SLC39A11: variants seen among roughly 807,000 people sequenced by gnomAD.
SLC39A11 encodes zinc transporter ZIP11.
SLC39A11 carries 33 observed loss-of-function variants against 36.1 expected under a neutral mutation model. The observed-to-expected ratio is 0.91, with a 90% CI of 0.69 to 1.22. The LOEUF (loss-of-function observed/expected upper bound fraction) is 1.22. Ranked by LOEUF, SLC39A11 falls within the 50% of genes most tolerant of loss-of-function variation. The pLI, the probability that SLC39A11 is intolerant of heterozygous loss-of-function variation, is 0.00. For missense variants in SLC39A11, 432 were observed against 430.3 expected, an observed-to-expected ratio of 1.00 and a Z score of -0.03; for synonymous variants, 166 against 170.3, an observed-to-expected ratio of 0.97 and a Z score of 0.20.
At position 73,088,702 on chromosome 17, in the gene SLC39A11, C is replaced by T; in HGVS notation, c.63G>A (p.Met21Ile). The change falls in exon 2 of 10, where the codon ATG becomes ATA. Residue 21 changes from methionine to isoleucine, a missense_variant. Met to Ile is a conservative substitution (Grantham distance 10, BLOSUM62 1). Transcript: ENST00000255559. Reference sequence around the variant, plus strand: ...ACACGAGAGCTGCCCCAGCTGCTGTCATCCCCCAGGTGAAGAAGGTCCCCA... The same window carrying T: ...ACACGAGAGCTGCCCCAGCTGCTGTTATCCCCCAGGTGAAGAAGGTCCCCA... ...ALLGTFFTWGMTAAGAALVFV... is the reference protein window; with the variant it reads ...ALLGTFFTWGITAAGAALVFV... The T allele has an allele frequency of 6.2e-7, 1 of 1,612,778 alleles. No homozygotes were observed. Among genetic ancestry groups the T allele is most frequent in the Non-Finnish European group, 8.5e-7 (1 of 1,179,438 alleles).
chr17:72,989,511 A>G (rs1465422702), intron 4 of SLC39A11, among the ~76,000 whole-genome samples: 1 of 152,224 alleles, frequency 6.6e-6, no homozygotes, highest in Admixed American at 6.5e-5. Flanking sequence ...GATTACCTTT[A>G]AATGATCTAG....
At chr17:72,770,730 T>C (rs1477398931) in intron 6 of SLC39A11, among the ~76,000 whole-genome samples, 2 of 152,208 alleles carry the variant, frequency 1.3e-5, no homozygotes, top group Admixed American at 6.5e-5. Context: ...GCCCAATAAA[T>C]GCACTGCAAG....
At chr17:72,660,712 G>A (rs1295825529) in intron 7 of SLC39A11, among the ~76,000 whole-genome samples, 4 of 152,156 alleles carry the variant, frequency 2.6e-5, no homozygotes, top group Non-Finnish European at 5.9e-5. Context: ...GGAGTGGAAC[G>A]TGCCATCCAC....
chr17:72,938,350 C>T (rs573916715), intron 5 of SLC39A11, among the ~76,000 whole-genome samples: 2 of 152,310 alleles, frequency 1.3e-5, no homozygotes, highest in Admixed American at 1.3e-4. Flanking sequence ...GGTTCAAAGC[C>T]CAGTTCCACA....
At chr17:72,855,063 C>T (rs2079566735) in intron 5 of SLC39A11, among the ~76,000 whole-genome samples, 2 of 152,212 alleles carry the variant, frequency 1.3e-5, no homozygotes, top group Non-Finnish European at 2.9e-5. Context: ...GTGGAAGTCT[C>T]TGAAGTCCTC....
At chr17:72,760,012 A>G (rs1327321434) in intron 6 of SLC39A11, among the ~76,000 whole-genome samples, 1 of 152,090 alleles carries the variant, frequency 6.6e-6, no homozygotes, top group Non-Finnish European at 1.5e-5. Flanking sequence ...CACAGGTCAC[A>G]TATAGGTTTT....
At chr17:72,792,504 G>T (rs1444706989) in intron 6 of SLC39A11, among the ~76,000 whole-genome samples, 1 of 152,194 alleles carries the variant, frequency 6.6e-6, no homozygotes, top group African/African-American at 2.4e-5. Context: ...AGGCTCCAAG[G>T]TGTCAAGGAA....
chr17:73,066,799 T>C (rs1042106459), intron 3 of SLC39A11, among the ~76,000 whole-genome samples: 2 of 152,210 alleles, frequency 1.3e-5, no homozygotes, highest in East Asian at 3.8e-4. Flanking sequence ...AGTCTAGCAG[T>C]GCCCAGACAC....
intron 7 of SLC39A11, among the ~76,000 whole-genome samples, chr17:72,696,536 A>G (rs1323795460): frequency 1.3e-5 from 2 of 152,026 alleles, no homozygotes; most frequent in East Asian, 3.9e-4. Context: ...TCTCCTCACC[A>G]TTCCCATCTC....
intron 6 of SLC39A11, among the ~76,000 whole-genome samples, chr17:72,806,228 C>A (rs1206594672): frequency 2.0e-5 from 3 of 152,112 alleles, no homozygotes; most frequent in Non-Finnish European, 4.4e-5. Context: ...CTTTTCCTAG[C>A]CAATCTTCAA....
At chr17:72,721,877 G>A (rs956704803) in intron 7 of SLC39A11, among the ~76,000 whole-genome samples, 1 of 150,112 alleles carries the variant, frequency 6.7e-6, no homozygotes, top group African/African-American at 2.5e-5. Flanking sequence ...GGCTGAGGGA[G>A]GAGAATCGCT....
intron 3 of SLC39A11, among the ~76,000 whole-genome samples, chr17:73,074,097 A>G (rs2060245374): frequency 6.6e-6 from 1 of 151,956 alleles, no homozygotes; most frequent in Non-Finnish European, 1.5e-5. Flanking sequence ...TCCAGGATCT[A>G]TAGAGGATTT....
rs1256984905 is a variant in SLC39A11, at chr17:72,647,623, T to G, written c.969A>C (p.Gly323=). The change falls in exon 10 of 10, where the codon GGA becomes GGC. Residue 323 remains glycine (G), a synonymous_variant. Coordinates refer to ENST00000255559, the MANE Select transcript of SLC39A11 (RefSeq NM_139177.4). ...GKLASWASIL[G]FVVMMSLDVG... ...CGTCCAGTGACATCATCACTACAAA[T>G]CCCAGGATGGAGGCCCAGGATGCCA... 6 of 1,613,820 alleles carry G rather than the reference T, an allele frequency of 3.7e-6. No individual in the cohort carries two copies. The highest frequency in any genetic ancestry group is 5.1e-6 in the Non-Finnish European group (6 of 1,179,914).
intron 6 of SLC39A11, among the ~76,000 whole-genome samples, chr17:72,835,928 TG>T: frequency 6.6e-6 from 1 of 152,222 alleles, no homozygotes; most frequent in Non-Finnish European, 1.5e-5. Context: ...CTCTAAAGGT[TG>T]TGCTTGTCCT....
intron 6 of SLC39A11, among the ~76,000 whole-genome samples, chr17:72,789,439 G>C (rs1264392185): frequency 6.6e-6 from 1 of 152,182 alleles, no homozygotes; most frequent in Non-Finnish European, 1.5e-5. Flanking sequence ...TACTTGTTAG[G>C]GCAAAGGGCA....
chr17:73,030,873 G>A (rs752155782), intron 4 of SLC39A11, among the ~76,000 whole-genome samples: 1 of 152,138 alleles, frequency 6.6e-6, no homozygotes, highest in Non-Finnish European at 1.5e-5. Context: ...CGGTTTGCAC[G>A]GTGCTTCCCT....
At chr17:72,960,388 T>A (rs2086530836) in intron 4 of SLC39A11, among the ~76,000 whole-genome samples, 1 of 151,502 alleles carries the variant, frequency 6.6e-6, no homozygotes, top group South Asian at 2.1e-4. Context: ...TATACATAGG[T>A]AGGTAGGTAG....
At position 72,736,670 on chromosome 17, in the gene SLC39A11, A is replaced by C. The variant is rs1195294964; in HGVS notation, c.651T>G (p.Ser217=). The change falls in exon 7 of 10, where the codon TCT becomes TCG. Residue 217 remains serine, a synonymous_variant. Transcript: ENST00000255559. ...VGFGAIEKTA[S]ATFESARNLA... ...CTTACCTGGCACTCTCAAAGGTAGC[A>C]GATGCCGTCTTTTCTATAGCCCCAA... is the stretch of plus-strand genomic sequence containing the variant. The C allele has an allele frequency of 6.2e-7, 1 of 1,614,092 alleles. No individual in the cohort carries two copies.
Position 72,710,834 on chromosome 17 carries a change from A to G in SLC39A11, c.671+25816T>C, listed in dbSNP as rs77681773. ...TAAAATTAGGGGAAATTCTGCCCAGATGTTGCTGTCTTTATTTTTAGCATT... is the reference window on the plus strand; with the variant it reads ...TAAAATTAGGGGAAATTCTGCCCAGGTGTTGCTGTCTTTATTTTTAGCATT... On this transcript the variant is annotated intron_variant, in intron 7 of 9. Transcript: ENST00000255559. Among the ~76,000 whole-genome samples, 580 of 152,292 alleles carry G rather than the reference A, an allele frequency of 3.8e-3. 5 individuals carry two copies. Among genetic ancestry groups the G allele is most frequent in the African/African-American group, 0.013 (551 of 41,552 alleles).
Sources: gnomAD v4.1 joint callset for allele counts (sites outside exome capture counted in the v4.1 genomes callset) on GRCh38, gnomAD v4.1.1 for gene constraint, MANE v1.5 for transcripts, NCBI Gene and HGNC (gene_info 2026-07-23, HGNC 2026-07-21) for gene names.